The following DNAH10 variants were observed in gnomAD, a reference collection of about 807,000 sequenced individuals.
DNAH10 encodes dynein axonemal heavy chain 10, also known as axonemal beta dynein heavy chain 10.
Under a neutral mutation model 506.6 loss-of-function variants are expected in DNAH10, and 348 were observed. The observed-to-expected ratio is 0.69, with a 90% CI of 0.63 to 0.75. The LOEUF (loss-of-function observed/expected upper bound fraction) is 0.75, where lower values mean the gene tolerates loss of function less well. Ranked by LOEUF, DNAH10 falls within the 30% of genes least tolerant of loss-of-function variation. The probability of loss-of-function intolerance (pLI) is 0.00; values close to 1 mark genes in which losing one functional copy is unlikely to be tolerated. For synonymous variants in DNAH10, 2,059 were observed against 2,198.6 expected, an observed-to-expected ratio of 0.94 and a Z score of 1.78; for missense variants, 5,179 against 5,787.1, an observed-to-expected ratio of 0.89 and a Z score of 3.41.
At chr12:123,930,130 T>TG in intron 72 of DNAH10, 1 of 518,048 alleles carries the variant, frequency 1.9e-6, no homozygotes, top group Non-Finnish European at 3.4e-6. Context: ...TTGTTTGATG[T>TG]GTTTGGGGGA....
rs1342570119 is a variant in DNAH10 at position 123,859,105 on chromosome 12, A to G, written c.6631-45A>G. On this transcript the variant is annotated intron_variant, in intron 37 of 78. Coordinates refer to ENST00000673944, the MANE Select transcript of DNAH10 (RefSeq NM_001372106.1). ...TTGTATCGCAATAAAACTGCGTCAG[A>G]AAAAAGATAATGTTTTAGCCCAGCT... is the stretch of plus-strand genomic sequence containing the variant. 6 of 1,541,494 alleles carry G rather than the reference A, an allele frequency of 3.9e-6. No individual in the cohort carries two copies. In the African/African-American group the frequency reaches 8.2e-5, roughly 21 times the overall value.
intron 1 of DNAH10, among the ~76,000 whole-genome samples, chr12:123,765,486 T>C (rs917703787): frequency 3.3e-5 from 5 of 152,154 alleles, no homozygotes; most frequent in African/African-American, 1.2e-4. Flanking sequence ...TTTTGTCAAA[T>C]TATCAGTCAA....
At chr12:123,929,216 C>G (rs1955087788) in intron 70 of DNAH10, 59 bp from the exon 71 acceptor site, 1 of 1,518,784 alleles carries the variant, frequency 6.6e-7, no homozygotes, top group Non-Finnish European at 8.9e-7. Flanking sequence ...ATTGTGCACA[C>G]TCTTCCAAGC....
Position 123,917,767 on chromosome 12 carries a change from T to C in DNAH10, c.11186T>C (p.Val3729Ala), listed in dbSNP as rs1053289747. ...ATSTGNMLDN[V>A]DLVHTLEETK... ...TCCACGGGGAACATGCTGGACAATG[T>C]GGACCTGGTGCACACCCTGGAGGAG... is the stretch of plus-strand genomic sequence containing the variant. Residue 3729 changes from valine (V) to alanine (A), a missense_variant, in exon 64 of 79, where the codon GTG becomes GCG. Val to Ala is a moderately conservative substitution (Grantham distance 64, BLOSUM62 0). Coordinates refer to ENST00000673944, the MANE Select transcript of DNAH10 (RefSeq NM_001372106.1). This position sits in a 1 kb window ranked among gnomAD's most constrained non-coding sequence, Gnocchi z 5.6. 4 of 1,576,260 alleles carry C rather than the reference T, an allele frequency of 2.5e-6. No individual in the cohort carries two copies. The highest frequency in any genetic ancestry group is 3.4e-6 in the Non-Finnish European group (4 of 1,161,322).
At chr12:123,779,453 C>T (rs1054304645) in intron 5 of DNAH10, among the ~76,000 whole-genome samples, 1 of 152,126 alleles carries the variant, frequency 6.6e-6, no homozygotes, top group Non-Finnish European at 1.5e-5. Context: ...AGGAGTCAAG[C>T]ATTTATGTTG....
intron 51 of DNAH10, among the ~76,000 whole-genome samples, chr12:123,885,500 T>C (rs1430536652): frequency 6.6e-6 from 1 of 152,204 alleles, no homozygotes; most frequent in Non-Finnish European, 1.5e-5. Flanking sequence ...TCACTTTCTT[T>C]AGAGATTGGT....
At position 123,928,963 on chromosome 12, in the gene DNAH10, G is replaced by GT; in HGVS notation, c.12307-308dup. The GT allele has an allele frequency of 2.1e-6, 1 of 486,460 alleles. No homozygotes were observed. The highest frequency in any genetic ancestry group is 3.1e-5 in the South Asian group (1 of 32,710). 30.1% of individuals were successfully genotyped at this position (486,460 alleles called of 1,614,324 possible). A position where few individuals can be genotyped will look rare whatever the true frequency, so the allele number is the denominator to read the frequency against. ...TTCTCCGGGAAATTCTTTTGGAAAG[G>GT]TTTTGTCATTCTCTGTCTCTCTCTC... On this transcript the variant is annotated intron_variant, in intron 70 of 78. Coordinates refer to ENST00000673944, the MANE Select transcript of DNAH10 (RefSeq NM_001372106.1). The surrounding 1 kb of genome is among the most constrained non-coding windows in gnomAD (Gnocchi z 4.9).
intron 65 of DNAH10, 29 bp from the exon 66 acceptor site, chr12:123,923,734 A>C: frequency 6.6e-7 from 1 of 1,514,178 alleles, no homozygotes; most frequent in South Asian, 1.2e-5. Context: ...ATTTTAAGAA[A>C]TCAATACTCA....
At chr12:123,862,923 G>C (rs1016497719) in intron 39 of DNAH10, among the ~76,000 whole-genome samples, 2 of 152,174 alleles carry the variant, frequency 1.3e-5, no homozygotes, top group African/African-American at 4.8e-5. Flanking sequence ...GATTCAGAGA[G>C]AGAGAATAAG....
chr12:123,910,517 A>G lies in DNAH10; in HGVS notation c.9998-19A>G. On this transcript the variant is annotated intron_variant, in intron 58 of 78. Coordinates refer to ENST00000673944, the MANE Select transcript of DNAH10 (RefSeq NM_001372106.1). The stretch of plus-strand genomic sequence containing the variant: ...ATGAAGCTTGCCACTCATAAAAATT[A>G]TTGCATGTTTCACGTTAGGCCTCTT... The G allele has an allele frequency of 6.2e-7, 1 of 1,603,612 alleles. No homozygotes were observed. The highest frequency in any genetic ancestry group is 1.3e-5 in the African/African-American group (1 of 74,698).
chr12:123,771,828 GC>G, intron 3 of DNAH10, 130 bp downstream of exon 3: 1 of 756,606 alleles, frequency 1.3e-6, no homozygotes, highest in African/African-American at 1.8e-5. Context: ...GGATCCCAAG[GC>G]CACCCTCAGA....
chr12:123,868,213 T>C (rs1215073260), intron 43 of DNAH10, 94 bp downstream of exon 43: 2 of 1,144,126 alleles, frequency 1.7e-6, no homozygotes, highest in Admixed American at 2.5e-5. Context: ...TCTGTCTGTA[T>C]GAGTTTTCCA....
chr12:123,903,694 C>A lies in DNAH10; in HGVS notation c.9815+581C>A, dbSNP rs907954999. Among the ~76,000 whole-genome samples, 4 of 152,220 alleles carry A rather than the reference C, an allele frequency of 2.6e-5. No individual in the cohort carries two copies. The highest frequency in any genetic ancestry group is 9.6e-5 in the African/African-American group (4 of 41,468). On this transcript the variant is annotated intron_variant, in intron 57 of 78. Coordinates refer to ENST00000673944, the MANE Select transcript of DNAH10 (RefSeq NM_001372106.1). The surrounding 1 kb of genome is among the most constrained non-coding windows in gnomAD (Gnocchi z 4.6). The stretch of plus-strand genomic sequence containing the variant: ...ACGTGGTGTGGCGTGGGCTAACAAG[C>A]TTTCTCCTCGCATGGCTTGGCCTCC...
intron 51 of DNAH10, among the ~76,000 whole-genome samples, chr12:123,886,491 A>G (rs376879416): frequency 1.5e-4 from 21 of 141,056 alleles, no homozygotes; most frequent in African/African-American, 4.3e-4. Context: ...GTGTGTGTGC[A>G]CACGTGTGTG....
At chr12:123,893,499 C>T in intron 53 of DNAH10, 63 bp downstream of exon 53, 1 of 1,570,672 alleles carries the variant, frequency 6.4e-7, no homozygotes, top group East Asian at 2.2e-5. Context: ...GGCTGAGGGT[C>T]TGTCCACACC....
rs184345711 is a variant in DNAH10, at chr12:123,796,939, C to T, written c.2163+107C>T. 1.2e-4 allele frequency: 126 copies of T among 1,019,350 alleles called. No individual in the cohort carries two copies. In the African/African-American group the frequency reaches 1.6e-3, roughly 13 times the overall value. The allele number at this position is 1,019,350 out of a possible 1,614,324, so 63.1% of individuals were successfully genotyped here. A position where few individuals can be genotyped will look rare whatever the true frequency, so the allele number is the denominator to read the frequency against. ...AGGCTGGAGTGCAGTGGCGCAATCT[C>T]GGCTCACTGCAACCTCCGCCTCCCA... On this transcript the variant is annotated intron_variant, in intron 13 of 78. Coordinates refer to ENST00000673944, the MANE Select transcript of DNAH10 (RefSeq NM_001372106.1).
chr12:123,800,658 G>A (rs112273846), intron 15 of DNAH10, among the ~76,000 whole-genome samples: 1 of 150,970 alleles, frequency 6.6e-6, no homozygotes. Context: ...CTCCAGCCTG[G>A]GAGACAGAGC....
rs775052709 is a variant in DNAH10, at chr12:123,864,654, T to A, written c.6968T>A (p.Met2323Lys). 6.2e-7 allele frequency: 1 copy of A among 1,614,026 alleles called. No homozygotes were observed. Among genetic ancestry groups the A allele is most frequent in the South Asian group, 1.1e-5 (1 of 91,080 alleles). ...ALWVENMNSV[M>K]DDNRLLTLAN... is the part of the protein sequence containing the mutation. ...TGGGTGGAAAACATGAATTCTGTGA[T>A]GGATGACAACAGGTTGTTGACATTG... The change falls in exon 40 of 79, where the codon ATG becomes AAG. Residue 2323 changes from methionine (M) to lysine (K), a missense_variant. Physicochemically the swap from Met to Lys is moderately conservative, Grantham distance 95. Around this residue, in one of 3 missense-constraint regions of DNAH10, gnomAD observed 4,844 missense variants for 5,430.5 expected, o/e 0.89. Coordinates refer to ENST00000673944, the MANE Select transcript of DNAH10 (RefSeq NM_001372106.1).
At chr12:123,798,718 ATAT>A (rs1439465596) in intron 13 of DNAH10, among the ~76,000 whole-genome samples, 1 of 148,082 alleles carries the variant, frequency 6.8e-6, no homozygotes, top group Non-Finnish European at 1.5e-5. Flanking sequence ...ATATAACTAT[ATAT>A]TATTTATTAT....
Sources: allele counts gnomAD v4.1 joint callset (sites outside exome capture counted in the v4.1 genomes callset), GRCh38; gene constraint gnomAD v4.1.1; regional missense constraint gnomAD v4.1.1; non-coding constraint Gnocchi (gnomAD v3.1); transcripts MANE v1.5; gene names NCBI Gene and HGNC (gene_info 2026-07-23, HGNC 2026-07-21).